Variants in TMEM175 observed in about 807,000 individuals in gnomAD.
TMEM175 encodes the protein endosomal/lysosomal proton channel TMEM175.
In TMEM175, 36 loss-of-function variants were observed where a neutral mutation model predicts 36.5. The ratio of observed to expected loss-of-function variants is 0.99; its 90% CI spans 0.76 to 1.30. TMEM175 has a LOEUF of 1.30. TMEM175 is among the 50% of genes most tolerant of loss of function. TMEM175 has a pLI of 0.00. For missense variants in TMEM175, 705 were observed against 692.8 expected (o/e 1.02, Z -0.20); for synonymous variants, 339 against 313.4 (o/e 1.08, Z -0.86).
At chr4:952,860 G>A (rs1404737014) in intron 7 of TMEM175, among the ~76,000 whole-genome samples, 1 of 151,998 alleles carries the variant, frequency 6.6e-6, no homozygotes, top group Non-Finnish European at 1.5e-5. Context: ...CACATAGGAT[G>A]TGGCATGCCC....
chr4:944,517 C>G (rs1727893765), intron 1 of TMEM175, among the ~76,000 whole-genome samples: 2 of 152,092 alleles, frequency 1.3e-5, no homozygotes, highest in South Asian at 4.1e-4. Context: ...CCCCTCCCTG[C>G]CTGGGTTGCT....
In TMEM175 at chr4:950,535, T is replaced by G; in HGVS notation, c.290+17T>G. ...ACACACAAGGTGGGGGCCCGGGCGC[T>G]TCCAGCGGTCCATAGCTGCTCTCAA... On this transcript the variant is annotated intron_variant, in intron 4 of 10. Transcript: ENST00000264771. 6.3e-7 allele frequency: 1 copy of G among 1,599,368 alleles called. No homozygotes were observed. Among genetic ancestry groups the G allele is most frequent in the Non-Finnish European group, 8.6e-7 (1 of 1,166,962 alleles).
chr4:953,944 C>T (rs1729287846), intron 8 of TMEM175, among the ~76,000 whole-genome samples: 1 of 152,162 alleles, frequency 6.6e-6, no homozygotes, highest in South Asian at 2.1e-4. Flanking sequence ...CCTTAGCCTC[C>T]CAAAGTGCTG....
At chr4:946,918 C>G (rs1434200326) in intron 1 of TMEM175, among the ~76,000 whole-genome samples, 1 of 126,650 alleles carries the variant, frequency 7.9e-6, no homozygotes, top group Non-Finnish European at 1.6e-5. Flanking sequence ...CCCAGGCACG[C>G]GTGCACAGGC....
At chr4:949,476 C>T (rs1363293710) in intron 3 of TMEM175, among the ~76,000 whole-genome samples, 1 of 152,172 alleles carries the variant, frequency 6.6e-6, no homozygotes, top group Non-Finnish European at 1.5e-5. Context: ...CAGTGGACAC[C>T]TCCTTGTGAG....
intron 3 of TMEM175, among the ~76,000 whole-genome samples, chr4:949,380 G>C (rs1577419585): frequency 1.3e-5 from 2 of 152,328 alleles, no homozygotes; most frequent in East Asian, 3.9e-4. Flanking sequence ...GTCTCAGAAA[G>C]TCCTGGAGAG....
chr4:952,644 G>GC (rs1729082161), intron 7 of TMEM175, among the ~76,000 whole-genome samples, 194 bp downstream of exon 7: 2 of 149,998 alleles, frequency 1.3e-5, no homozygotes, highest in African/African-American at 2.5e-5. Context: ...GTGTGTGTGT[G>GC]TGTGTGTGTG....
chr4:956,619 T>C (rs1372597648), intron 10 of TMEM175: 5 of 506,590 alleles, frequency 9.9e-6, no homozygotes, highest in Admixed American at 3.8e-5. Context: ...ACTTTTTGCA[T>C]TTTTAATAGA....
chr4:949,938 C>T (rs999881273), intron 3 of TMEM175, among the ~76,000 whole-genome samples: 23 of 152,298 alleles, frequency 1.5e-4, no homozygotes, highest in African/African-American at 5.3e-4. Context: ...CAGAGCCTTT[C>T]GGTGGTGACC....
rs537974491 is a variant in TMEM175 at position 958,106 on chromosome 4, C to G, written c.1125C>G (p.Arg375=). Residue 375 remains arginine (R), a synonymous_variant, in exon 11 of 11, where the codon CGC becomes CGG. Transcript: ENST00000264771. The part of the protein sequence containing the change: ...FARQPRDELE[R]VRVSCTIIFL... ...GGCAGCCCCGCGATGAGCTGGAGCG[C>G]GTGCGTGTCAGCTGCACCATCATCT... is the stretch of plus-strand genomic sequence containing the variant. 6.2e-7 allele frequency: 1 copy of G among 1,604,934 alleles called. No homozygotes were observed. Among genetic ancestry groups the G allele is most frequent in the Admixed American group, 1.7e-5 (1 of 60,002 alleles).
At chr4:934,747 GA>G (rs1203820252) in intron 1 of TMEM175, among the ~76,000 whole-genome samples, 1 of 152,068 alleles carries the variant, frequency 6.6e-6, no homozygotes, top group Admixed American at 6.5e-5. Context: ...TGCTGGTACA[GA>G]AAAAAGAGGA....
At position 947,360 on chromosome 4, in the gene TMEM175, C is replaced by T. The variant is rs1040648939; in HGVS notation, c.-31-349C>T. ...GGCACGCATGCACGGTCAAGGGCCC[C>T]GCAGGGTGCTGTGTTCCTCTTCCAC... On this transcript the variant is annotated intron_variant, in intron 1 of 10. Coordinates refer to ENST00000264771, the MANE Select transcript of TMEM175 (RefSeq NM_032326.4). 3.9e-5 allele frequency among the ~76,000 whole-genome samples: 6 copies of T among 152,284 alleles called. No homozygotes were observed. In the South Asian group the frequency reaches 8.3e-4, roughly 21 times the overall value.
At chr4:956,213 CCCCCTGCCCCAGGCCTCA>C (rs1455576226) in intron 10 of TMEM175, 3 of 937,928 alleles carry the variant, frequency 3.2e-6, no homozygotes, top group Non-Finnish European at 4.3e-6. Context: ...CCATGGGTAT[CCCCCTGCCCCAGGCCTCA>C]CCCCTGCCCC....
At position 948,160 on chromosome 4, in the gene TMEM175, G is replaced by A. The variant is rs376453229; in HGVS notation, c.192+6G>A. The A allele has an allele frequency of 5.1e-5, 82 of 1,614,024 alleles. No homozygotes were observed. The highest frequency in any genetic ancestry group is 1.8e-4 in the East Asian group (8 of 44,898). ...CGGAGATCTCCCCAGAACAGGTAAC[G>A]GGGCAGGCTGTGCTCTGCGTGGTGT... On this transcript the variant is annotated splice_donor_region_variant and intron_variant, in intron 3 of 10. Transcript: ENST00000264771.
intron 8 of TMEM175, among the ~76,000 whole-genome samples, chr4:953,991 CTTTTTTTCTTT>C (rs1729297601): frequency 3.3e-5 from 5 of 150,268 alleles, no homozygotes; most frequent in Admixed American, 1.3e-4. Context: ...CCTTTATTTT[CTTTTTTTCTTT>C]TTTTTTTCTT....
At chr4:949,364 G>A (rs1370181824) in intron 3 of TMEM175, among the ~76,000 whole-genome samples, 1 of 152,192 alleles carries the variant, frequency 6.6e-6, no homozygotes, top group Non-Finnish European at 1.5e-5. Flanking sequence ...CACAGGGAGG[G>A]TCTGAGTCTC....
rs145572387 is a variant in TMEM175 at position 946,120 on chromosome 4, G to C, written c.-31-1589G>C. Reference sequence around the variant, plus strand: ...TACCTTCCTCACCACGGTGGCATCAGGGCCAGGTGGGCTCCCCCTTCTCCG... The same window carrying C: ...TACCTTCCTCACCACGGTGGCATCACGGCCAGGTGGGCTCCCCCTTCTCCG... On this transcript the variant is annotated intron_variant, in intron 1 of 10. Transcript: ENST00000264771. 3.0e-3 allele frequency: 455 copies of C among 152,672 alleles called. 5 individuals carry two copies. Among genetic ancestry groups the C allele is most frequent in the Non-Finnish European group, 4.7e-3 (318 of 68,350 alleles). The allele number at this position is 152,672 out of a possible 1,614,324, so 9.5% of individuals were successfully genotyped here.
At position 947,752 on chromosome 4, in the gene TMEM175, C is replaced by G; in HGVS notation, c.13C>G (p.Arg5Gly). Residue 5 changes from arginine (R) to glycine (G), a missense_variant, in exon 2 of 11, where the codon CGG (arginine) becomes GGG (glycine). Coordinates refer to ENST00000264771, the MANE Select transcript of TMEM175 (RefSeq NM_032326.4). MSQP[R>G]TPEQALDTPG... ...CAGCGGCCCCGCCATGTCCCAGCCC[C>G]GGACCCCAGAGCAGGCACTGGATAC... The G allele has an allele frequency of 6.2e-7, 1 of 1,608,088 alleles. No individual in the cohort carries two copies. The highest frequency in any genetic ancestry group is 8.5e-7 in the Non-Finnish European group (1 of 1,176,902).
chr4:944,166 G>A lies in TMEM175; in HGVS notation c.-31-3543G>A, dbSNP rs1230270575. 2.6e-5 allele frequency among the ~76,000 whole-genome samples: 4 copies of A among 152,284 alleles called. No individual in the cohort carries two copies. In the East Asian group the frequency reaches 7.7e-4, roughly 29 times the overall value. On this transcript the variant is annotated intron_variant, in intron 1 of 10. Coordinates refer to ENST00000264771, the MANE Select transcript of TMEM175 (RefSeq NM_032326.4). Reference sequence around the variant, plus strand: ...AAATTAGCCAGGCATGGTGGCTGGTGCCTGTAATCCCAGCTGCTCGGGAGG... The same window carrying A: ...AAATTAGCCAGGCATGGTGGCTGGTACCTGTAATCCCAGCTGCTCGGGAGG...
Sources: allele counts gnomAD v4.1 joint callset (sites outside exome capture counted in the v4.1 genomes callset), GRCh38; gene constraint gnomAD v4.1.1; transcripts MANE v1.5; gene names NCBI Gene and HGNC (gene_info 2026-07-23, HGNC 2026-07-21).